The following BAZ2A variants were observed in gnomAD, a reference collection of about 807,000 sequenced individuals.
BAZ2A encodes bromodomain adjacent to zinc finger domain 2A, also known as bromodomain adjacent to zinc finger domain protein 2A.
BAZ2A carries 34 observed loss-of-function variants against 199.9 expected under a neutral mutation model. The ratio of observed to expected loss-of-function variants is 0.17; its 90% CI spans 0.13 to 0.23. The LOEUF (loss-of-function observed/expected upper bound fraction) is 0.23, where lower values mean the gene tolerates loss of function less well. BAZ2A is among the 10% of genes least tolerant of loss of function. The probability of loss-of-function intolerance (pLI) is 1.00; values close to 1 mark genes in which losing one functional copy is unlikely to be tolerated. For synonymous variants in BAZ2A, 857 were observed against 883.9 expected, an observed-to-expected ratio of 0.97 and a Z score of 0.54; for missense variants, 2,002 against 2,391.1, an observed-to-expected ratio of 0.84 and a Z score of 3.39.
intron 1 of BAZ2A, among the ~76,000 whole-genome samples, chr12:56,619,150 C>A (rs888166539): frequency 6.6e-6 from 1 of 151,834 alleles, no homozygotes; most frequent in Non-Finnish European, 1.5e-5. Flanking sequence ...TCAAGACCAG[C>A]CTGGCCAACA....
chr12:56,630,771 C>T (rs1195617112), upstream of BAZ2A: 2 of 985,416 alleles, frequency 2.0e-6, no homozygotes, highest in Non-Finnish European at 2.4e-6. Context: ...CAGCCACCCA[C>T]TCACCTCTGT....
In BAZ2A at chr12:56,601,577, G is replaced by C. The variant is rs1346605770; in HGVS notation, c.4040C>G (p.Pro1347Arg). ...GGAGGAGGCAAGCTGCTGAGGGGAG[G>C]GAGTGGGTTGGTCCTCAGAAACTGC... ...PPAVSEDQPTPSPQQLASSKP... is the reference protein window; with the variant it reads ...PPAVSEDQPTRSPQQLASSKP... Residue 1347 changes from proline (P) to arginine (R), a missense_variant, in exon 20 of 29, where the codon CCC becomes CGC. Around this residue, in one of 6 missense-constraint regions of BAZ2A, gnomAD observed 1,081 missense variants for 1,274.7 expected, o/e 0.85. Coordinates refer to ENST00000549884, the MANE Select transcript of BAZ2A (RefSeq NM_001300905.2). 6.2e-7 allele frequency: 1 copy of C among 1,613,596 alleles called. No homozygotes were observed. The highest frequency in any genetic ancestry group is 2.2e-5 in the East Asian group (1 of 44,890).
Position 56,613,971 on chromosome 12 carries a change from A to G in BAZ2A, c.898T>C (p.Phe300Leu), listed in dbSNP as rs1426326931. ...AACCTACCTGGTGCCAGAGAGTTGA[A>G]GGGCTCCAGAGAGTCTTCACTGAGG... is the stretch of plus-strand genomic sequence containing the variant. ...PILSEDSLEP[F>L]NSLAPEPVSG... Residue 300 changes from phenylalanine (F) to leucine (L), a missense_variant, in exon 4 of 29, where the codon TTC becomes CTC. Phe to Leu is a conservative substitution (Grantham distance 22). Coordinates refer to ENST00000549884, the MANE Select transcript of BAZ2A (RefSeq NM_001300905.2). 6.2e-7 allele frequency: 1 copy of G among 1,613,674 alleles called. No homozygotes were observed. The highest frequency in any genetic ancestry group is 1.3e-5 in the African/African-American group (1 of 74,940).
intron 19 of BAZ2A, among the ~76,000 whole-genome samples, chr12:56,602,508 T>C (rs1405649343): frequency 6.6e-6 from 1 of 152,210 alleles, no homozygotes; most frequent in Non-Finnish European, 1.5e-5. Flanking sequence ...ACTATTATTA[T>C]CTCAACTTCA....
In BAZ2A at chr12:56,606,716, C is replaced by T; in HGVS notation, c.2110G>A (p.Asp704Asn). The change falls in exon 11 of 29, where the codon GAT becomes AAT. Residue 704 changes from aspartate (D) to asparagine (N), a missense_variant. This residue lies in a region of BAZ2A where 1,081 missense variants were observed against 1,274.7 expected (regional missense o/e 0.85). Coordinates refer to ENST00000549884, the MANE Select transcript of BAZ2A (RefSeq NM_001300905.2). ...LEAQETLNEE[D>N]KAKIAKSKKK... Reference sequence around the variant, plus strand: ...TTGCTTTTAGCAATCTTTGCTTTATCCTCCTCATTCAATGTTTCTGTGAGA... The same window carrying T: ...TTGCTTTTAGCAATCTTTGCTTTATTCTCCTCATTCAATGTTTCTGTGAGA... The T allele has an allele frequency of 6.2e-7, 1 of 1,613,818 alleles. No individual in the cohort carries two copies. Among genetic ancestry groups the T allele is most frequent in the African/African-American group, 1.3e-5 (1 of 74,996 alleles).
chr12:56,602,584 A>C, intron 19 of BAZ2A, 129 bp downstream of exon 19: 1 of 1,293,660 alleles, frequency 7.7e-7, no homozygotes, highest in Non-Finnish European at 1.0e-6. Flanking sequence ...CTTTACTCTA[A>C]AATCTGTGCT....
At chr12:56,619,790 C>T (rs1950852434) in intron 1 of BAZ2A, among the ~76,000 whole-genome samples, 2 of 152,124 alleles carry the variant, frequency 1.3e-5, no homozygotes, top group South Asian at 2.1e-4. Flanking sequence ...AGGAAGATCA[C>T]TTGAGGTCAG....
intron 23 of BAZ2A, 69 bp from the exon 24 acceptor site, chr12:56,600,559 C>A (rs528550796): frequency 8.4e-4 from 1,311 of 1,556,296 alleles, no homozygotes; most frequent in Admixed American, 1.1e-3. Context: ...AAAAAAAAAA[C>A]AAAAACAAGA....
intron 10 of BAZ2A, among the ~76,000 whole-genome samples, chr12:56,608,383 A>C (rs1302049943): frequency 6.6e-6 from 1 of 151,998 alleles, no homozygotes; most frequent in Non-Finnish European, 1.5e-5. Context: ...AAAAAAAAAA[A>C]ACAAAATGAG....
At position 56,630,291 on chromosome 12, in the gene BAZ2A, C is replaced by T; in HGVS notation, c.-169G>A. 1 of 984,962 alleles carries T rather than the reference C, an allele frequency of 1.0e-6. No homozygotes were observed. Among genetic ancestry groups the T allele is most frequent in the Non-Finnish European group, 1.2e-6 (1 of 829,464 alleles). The allele number at this position is 984,962 out of a possible 1,614,324, so 61.0% of individuals were successfully genotyped here. A position where few individuals can be genotyped will look rare whatever the true frequency, so the allele number is the denominator to read the frequency against. ...AGGGGGACGCGGCTCAACCGCGGGG[C>T]CCGAGAGGAGCCAACATGGCCGGCG... On this transcript the variant is annotated 5_prime_UTR_variant, in exon 1 of 29. Coordinates refer to ENST00000549884, the MANE Select transcript of BAZ2A (RefSeq NM_001300905.2).
intron 12 of BAZ2A, 22 bp from the exon 13 acceptor site, chr12:56,606,085 C>G: frequency 2.6e-6 from 4 of 1,550,714 alleles, no homozygotes; most frequent in African/African-American, 1.4e-5. Flanking sequence ...AGAGAGGAAC[C>G]AAGACTGCCA....
intron 1 of BAZ2A, among the ~76,000 whole-genome samples, chr12:56,617,866 C>T (rs1950774344): frequency 6.6e-6 from 1 of 152,184 alleles, no homozygotes; most frequent in Non-Finnish European, 1.5e-5. Flanking sequence ...TAGATATTAG[C>T]CTCTACTGTA....
rs939730010 is a variant in BAZ2A, at chr12:56,605,172, T to C, written c.2649A>G (p.Gly883=). The C allele has an allele frequency of 3.1e-6, 5 of 1,612,890 alleles. No homozygotes were observed. Among genetic ancestry groups the C allele is most frequent in the Admixed American group, 3.3e-5 (2 of 59,884 alleles). The change falls in exon 14 of 29, where the codon GGA becomes GGG. Residue 883 remains glycine, a synonymous_variant. Transcript: ENST00000549884. ...DVPSLGVLQE[G]LLCQGDSLGE... ...CCAAGCTGTCACCTTGACACAGGAG[T>C]CCCTCCTGCAGGACCCCCAGGCTAG... is the stretch of plus-strand genomic sequence containing the variant.
chr12:56,630,871 C>T (rs948542378), upstream of BAZ2A: 40 of 985,136 alleles, frequency 4.1e-5, no homozygotes, highest in Admixed American at 3.7e-4. Flanking sequence ...GATTCCTGTG[C>T]GTGGGGGAAA....
rs746116727 is a variant in BAZ2A at position 56,611,639 on chromosome 12, G to C, written c.1610-6C>G. 2 of 1,598,520 alleles carry C rather than the reference G, an allele frequency of 1.3e-6. No individual in the cohort carries two copies. Among genetic ancestry groups the C allele is most frequent in the Non-Finnish European group, 1.7e-6 (2 of 1,174,998 alleles). On this transcript the variant is annotated splice_polypyrimidine_tract_variant and splice_region_variant and intron_variant, in intron 6 of 28. Transcript: ENST00000549884. ...ACGTCTCCTCATGACATCACCTTGGGAGGAAGGGATACCCAAGTTAAGAGT... is the reference window on the plus strand; with the variant it reads ...ACGTCTCCTCATGACATCACCTTGGCAGGAAGGGATACCCAAGTTAAGAGT...
chr12:56,618,503 CA>C (rs1950797352), intron 1 of BAZ2A, among the ~76,000 whole-genome samples: 1 of 152,044 alleles, frequency 6.6e-6, no homozygotes, highest in Non-Finnish European at 1.5e-5. Flanking sequence ...TAAACTCTAA[CA>C]TATCAATCGG....
At chr12:56,636,466 G>A (rs756063460), upstream of BAZ2A, 30 of 1,046,474 alleles carry the variant, frequency 2.9e-5, no homozygotes, top group Non-Finnish European at 3.3e-5. Context: ...GGAGAAATAT[G>A]GAGGAAGGTT....
chr12:56,627,720 G>A (rs2137345034), intron 1 of BAZ2A, among the ~76,000 whole-genome samples: 1 of 151,560 alleles, frequency 6.6e-6, no homozygotes, highest in Admixed American at 6.6e-5. Context: ...CAGCTACTCA[G>A]GGGGCTGAGG....
At chr12:56,626,479 G>A (rs917344505) in intron 1 of BAZ2A, among the ~76,000 whole-genome samples, 12 of 152,204 alleles carry the variant, frequency 7.9e-5, no homozygotes, top group Non-Finnish European at 1.6e-4. Context: ...AGTAATACTT[G>A]ATTCCAGAGC....
Sources: allele counts gnomAD v4.1 joint callset (sites outside exome capture counted in the v4.1 genomes callset), GRCh38; gene constraint gnomAD v4.1.1; regional missense constraint gnomAD v4.1.1; transcripts MANE v1.5; gene names NCBI Gene and HGNC (gene_info 2026-07-23, HGNC 2026-07-21).